Variants in PCDH9 observed in about 807,000 individuals in gnomAD.
The protein encoded by PCDH9 is protocadherin-9.
A neutral mutation model predicts 70.6 loss-of-function variants in PCDH9; 24 were observed. The observed-to-expected ratio is 0.34, with a 90% CI of 0.25 to 0.48. The LOEUF is 0.48. Among genes scored for constraint, PCDH9 ranks in the 20% least tolerant of loss-of-function variants. The probability of loss-of-function intolerance (pLI) is 0.99; values close to 1 mark genes in which losing one functional copy is unlikely to be tolerated. For synonymous variants in PCDH9, 562 were observed against 558.5 expected, an observed-to-expected ratio of 1.01 and a Z score of -0.09; for missense variants, 1,281 against 1,503.6, an observed-to-expected ratio of 0.85 and a Z score of 2.45.
intron 3 of PCDH9, among the ~76,000 whole-genome samples, chr13:66,805,264 C>G (rs1030087975): frequency 6.6e-6 from 1 of 152,064 alleles, no homozygotes; most frequent in African/African-American, 2.4e-5. Context: ...TAGCAGATCT[C>G]TAGAGATATT....
intron 3 of PCDH9, among the ~76,000 whole-genome samples, chr13:66,769,482 GT>G (rs34815868): frequency 0.024 from 3,553 of 145,228 alleles, 134 homozygotes; most frequent in African/African-American, 0.083. Flanking sequence ...TAGCAACATG[GT>G]TTTTTTTTTT....
At position 67,225,948 on chromosome 13, in the gene PCDH9, G is replaced by A. The variant is rs775323783; in HGVS notation, c.2493C>T (p.Phe831=). The change falls in exon 2 of 5, where the codon TTC becomes TTT. Residue 831 remains phenylalanine (F), a synonymous_variant. Transcript: ENST00000377865. ...AGAMVVIVVI[F]VTVLVRCRHA... is the part of the protein sequence containing the mutation. ...GGCGACAGCGCACCAGAACGGTGAC[G>A]AAGATCACAACAATGACCACCATGG... 1.2e-6 allele frequency: 2 copies of A among 1,614,086 alleles called. No homozygotes were observed. The highest frequency in any genetic ancestry group is 1.7e-5 in the Admixed American group (1 of 60,016).
chr13:66,774,593 C>T (rs2079861096), intron 3 of PCDH9, among the ~76,000 whole-genome samples: 1 of 152,110 alleles, frequency 6.6e-6, no homozygotes, highest in African/African-American at 2.4e-5. Flanking sequence ...ATAAAAGAAA[C>T]CCATGTATTT....
chr13:67,102,113 C>G (rs2086447647), intron 2 of PCDH9, among the ~76,000 whole-genome samples: 1 of 152,082 alleles, frequency 6.6e-6, no homozygotes, highest in Non-Finnish European at 1.5e-5. Context: ...ATTAAAATAT[C>G]AGAAAATTGC....
At chr13:67,216,838 G>A (rs2089618442) in intron 2 of PCDH9, 1 of 151,530 alleles carries the variant, frequency 6.6e-6, no homozygotes, top group Non-Finnish European at 1.5e-5. Flanking sequence ...AAGAAATGGA[G>A]CAAAGAAAAG....
intron 4 of PCDH9, among the ~76,000 whole-genome samples, chr13:66,465,253 C>T (rs772221195): frequency 2.6e-5 from 4 of 151,580 alleles, no homozygotes; most frequent in African/African-American, 7.3e-5. Context: ...ATTCAAGTGA[C>T]GAGAAATATT....
intron 4 of PCDH9, among the ~76,000 whole-genome samples, chr13:66,629,167 A>G (rs781600694): frequency 1.4e-4 from 22 of 152,242 alleles, no homozygotes. Context: ...AATTGCACAT[A>G]CTACAAATAC....
chr13:66,486,834 A>G (rs890939240), intron 4 of PCDH9, among the ~76,000 whole-genome samples: 36 of 152,332 alleles, frequency 2.4e-4, no homozygotes, highest in African/African-American at 7.9e-4. Flanking sequence ...TATATGAGAC[A>G]GGTACTGACA....
At chr13:66,374,341 T>G (rs1956711786) in intron 4 of PCDH9, among the ~76,000 whole-genome samples, 1 of 151,976 alleles carries the variant, frequency 6.6e-6, no homozygotes, top group Non-Finnish European at 1.5e-5. Context: ...CATGCGAATT[T>G]GACAGAACAT....
chr13:67,036,501 G>A (rs2085012079), intron 2 of PCDH9, among the ~76,000 whole-genome samples: 1 of 151,984 alleles, frequency 6.6e-6, no homozygotes, highest in Admixed American at 6.6e-5. Context: ...TCATGCAACT[G>A]GATCAAACTG....
intron 3 of PCDH9, among the ~76,000 whole-genome samples, chr13:66,662,359 G>C (rs770148326): frequency 8.6e-5 from 13 of 151,938 alleles, no homozygotes; most frequent in Admixed American, 2.0e-4. Context: ...TGTAATCCCA[G>C]CTACTTGGGA....
At chr13:66,443,414 G>T (rs932370910) in intron 4 of PCDH9, among the ~76,000 whole-genome samples, 4 of 152,016 alleles carry the variant, frequency 2.6e-5, no homozygotes, top group African/African-American at 9.7e-5. Context: ...TGTTTTTATT[G>T]TTCTGAATAA....
At position 66,940,799 on chromosome 13, in the gene PCDH9, G is replaced by GAA. The variant is rs58242365; in HGVS notation, c.3037-37196_3037-37195dup. ...AAAGAGGAAAAATAGCAAAATACAG[G>GAA]AAAAAATTTCAGAGTCATTCATTTT... On this transcript the variant is annotated intron_variant, in intron 2 of 4. Transcript: ENST00000377865. Among the ~76,000 whole-genome samples the GAA allele has an allele frequency of 1.3e-4, 19 of 151,860 alleles. No homozygotes were observed. In the East Asian group the frequency reaches 3.7e-3, roughly 29 times the overall value.
In PCDH9 at chr13:66,480,320, G is replaced by A. The variant is rs574468735; in HGVS notation, c.3340+150890C>T. ...AGATGAGAAATTGATTTTTATGGAT[G>A]AGCAAAGAAGGTGGTTTCTTGAGAT... On this transcript the variant is annotated intron_variant, in intron 4 of 4. Transcript: ENST00000377865. 2.0e-5 allele frequency among the ~76,000 whole-genome samples: 3 copies of A among 152,288 alleles called. No individual in the cohort carries two copies. In the South Asian group the frequency reaches 6.2e-4, roughly 32 times the overall value.
At chr13:66,826,662 T>A (rs1331582035) in intron 3 of PCDH9, among the ~76,000 whole-genome samples, 1 of 151,942 alleles carries the variant, frequency 6.6e-6, no homozygotes, top group East Asian at 1.9e-4. Flanking sequence ...GTAAAAAAAA[T>A]AAAATATTAG....
At position 66,674,859 on chromosome 13, in the gene PCDH9, A is replaced by T. The variant is rs1266314588; in HGVS notation, c.3139-43448T>A. On this transcript the variant is annotated intron_variant, in intron 3 of 4. Coordinates refer to ENST00000377865, the MANE Select transcript of PCDH9 (RefSeq NM_203487.3). Reference sequence around the variant, plus strand: ...TATGTATATATGAAAATCTAGATTGAGTTTAGATGTCAAAGTGTGGTTCAT... The same window carrying T: ...TATGTATATATGAAAATCTAGATTGTGTTTAGATGTCAAAGTGTGGTTCAT... Among the ~76,000 whole-genome samples the T allele has an allele frequency of 2.0e-5, 3 of 152,116 alleles. No homozygotes were observed. In the East Asian group the frequency reaches 5.8e-4, roughly 29 times the overall value.
At chr13:66,514,489 CAAAAAA>C (rs57990200) in intron 4 of PCDH9, among the ~76,000 whole-genome samples, 2 of 132,784 alleles carry the variant, frequency 1.5e-5, no homozygotes, top group Non-Finnish European at 3.3e-5. Flanking sequence ...GGAGTGAATT[CAAAAAA>C]AAAAAAAAAG....
At chr13:67,161,357 C>T (rs1259108654) in intron 2 of PCDH9, among the ~76,000 whole-genome samples, 4 of 152,152 alleles carry the variant, frequency 2.6e-5, no homozygotes, top group African/African-American at 4.8e-5. Context: ...AGAAGAGTGT[C>T]GGGCAGTGAT....
At chr13:66,308,941 A>G (rs1443641657) in intron 4 of PCDH9, among the ~76,000 whole-genome samples, 10 of 152,062 alleles carry the variant, frequency 6.6e-5, no homozygotes, top group Non-Finnish European at 1.5e-5. Flanking sequence ...CAATCAATCC[A>G]TCAATAATCT....
Sources: allele counts gnomAD v4.1 joint callset (sites outside exome capture counted in the v4.1 genomes callset), GRCh38; gene constraint gnomAD v4.1.1; transcripts MANE v1.5; gene names NCBI Gene and HGNC (gene_info 2026-07-23, HGNC 2026-07-21).